GLDC: variants seen among roughly 807,000 people sequenced by gnomAD.
GLDC encodes glycine dehydrogenase (decarboxylating), mitochondrial.
Under a neutral mutation model 121.3 loss-of-function variants are expected in GLDC, and 104 were observed. That is an observed-to-expected ratio of 0.86 (90% CI 0.73 to 1.01). The LOEUF (loss-of-function observed/expected upper bound fraction) is 1.01, where lower values mean the gene tolerates loss of function less well. Ranked by LOEUF, GLDC falls within the 50% of genes least tolerant of loss-of-function variation. The pLI, the probability that GLDC is intolerant of heterozygous loss-of-function variation, is 0.00. For missense variants in GLDC, 1,429 were observed against 1,306.6 expected (o/e 1.09, Z -1.44); for synonymous variants, 546 against 480.6 (o/e 1.14, Z -1.78).
intron 3 of GLDC, among the ~76,000 whole-genome samples, chr9:6,619,437 T>C: frequency 6.6e-6 from 1 of 152,028 alleles, no homozygotes; most frequent in East Asian, 1.9e-4. Flanking sequence ...TTAAAAATCC[T>C]GACAGAAGGG....
At chr9:6,585,864 G>A (rs5001002) in intron 15 of GLDC, among the ~76,000 whole-genome samples, 2 of 114,828 alleles carry the variant, frequency 1.7e-5, no homozygotes, top group East Asian at 2.0e-4. Context: ...ATGTATGTAT[G>A]TATGTATCTA....
At position 6,580,258 on chromosome 9, in the gene GLDC, C is replaced by G. The variant is rs572213921; in HGVS notation, c.1850+6883G>C. Among the ~76,000 whole-genome samples, 8 of 152,266 alleles carry G rather than the reference C, an allele frequency of 5.3e-5. No homozygotes were observed. In the South Asian group the frequency reaches 8.3e-4, roughly 16 times the overall value. On this transcript the variant is annotated intron_variant, in intron 15 of 24. Transcript: ENST00000321612. Reference sequence around the variant, plus strand: ...GCTCTCTGCTTCTATAATTGCAGGACCAGCCCACACTGGGCCTGTTCTGTT... The same window carrying G: ...GCTCTCTGCTTCTATAATTGCAGGAGCAGCCCACACTGGGCCTGTTCTGTT...
chr9:6,569,598 G>C (rs1817915046), intron 15 of GLDC, among the ~76,000 whole-genome samples: 1 of 152,080 alleles, frequency 6.6e-6, no homozygotes, highest in Non-Finnish European at 1.5e-5. Context: ...GTTGCAGCGA[G>C]CTGAGATCGC....
At chr9:6,612,634 G>A (rs112347498) in intron 3 of GLDC, among the ~76,000 whole-genome samples, 2,434 of 152,188 alleles carry the variant, frequency 0.016, 63 homozygotes, top group African/African-American at 0.048. Flanking sequence ...GGAGGCTGAG[G>A]AGGCGGATCA....
intron 2 of GLDC, among the ~76,000 whole-genome samples, chr9:6,621,842 T>C (rs1402790540): frequency 4.6e-5 from 7 of 152,146 alleles, no homozygotes; most frequent in Admixed American, 1.3e-4. Flanking sequence ...TAGATAGAAA[T>C]GACATCATTT....
rs565056006 is a variant in GLDC, at chr9:6,596,709, T to C, written c.1156-1590A>G. 2.6e-5 allele frequency among the ~76,000 whole-genome samples: 4 copies of C among 152,282 alleles called. No homozygotes were observed. In the East Asian group the frequency reaches 5.8e-4, roughly 22 times the overall value. Reference sequence around the variant, plus strand: ...AGTGAGATTATCACTTGACATCCAATAGGATGGCTATAACCAAAGGATAGG... The same window carrying C: ...AGTGAGATTATCACTTGACATCCAACAGGATGGCTATAACCAAAGGATAGG... On this transcript the variant is annotated intron_variant, in intron 8 of 24. Transcript: ENST00000321612.
chr9:6,556,397 T>C (rs2129727072), intron 17 of GLDC, 95 bp from the exon 18 acceptor site: 2 of 1,053,974 alleles, frequency 1.9e-6, no homozygotes, highest in Middle Eastern at 2.0e-4. Flanking sequence ...TGAAGAAAGA[T>C]GAAGTCTCAG....
intron 15 of GLDC, chr9:6,568,964 A>G (rs1163693273): frequency 6.6e-6 from 1 of 152,254 alleles, no homozygotes; most frequent in Non-Finnish European, 1.5e-5. Context: ...AACTTCTTCC[A>G]AAACTCAGAT....
chr9:6,620,430 G>T, intron 2 of GLDC, 111 bp from the exon 3 acceptor site: 2 of 914,826 alleles, frequency 2.2e-6, no homozygotes, highest in Non-Finnish European at 3.6e-6. Flanking sequence ...TAACTATATG[G>T]AAAATGTAAG....
chr9:6,575,255 C>T (rs1033467315), intron 15 of GLDC, among the ~76,000 whole-genome samples: 2 of 151,354 alleles, frequency 1.3e-5, no homozygotes, highest in African/African-American at 2.4e-5. Context: ...CCCATATGGG[C>T]TCCATCCCCA....
Position 6,606,658 on chromosome 9 carries a change from C to A in GLDC, c.647G>T (p.Arg216Met). ...ALQLCYRHNK[R>M]RKFLVDPRCH... ...ACGGGGATCAACGAGAAATTTCCTC[C>A]TCTTGTTGTGTCTGTTGAAAAGAAA... Residue 216 changes from arginine (R) to methionine (M), a missense_variant, in exon 5 of 25, where the codon AGG (arginine) becomes ATG (methionine). Physicochemically the swap from Arg to Met is moderately conservative, Grantham distance 91 (BLOSUM62 -1). Transcript: ENST00000321612. The A allele has an allele frequency of 6.3e-7, 1 of 1,598,948 alleles. No homozygotes were observed. The highest frequency in any genetic ancestry group is 8.6e-7 in the Non-Finnish European group (1 of 1,166,676).
At chr9:6,585,741 T>C (rs1818256699) in intron 15 of GLDC, among the ~76,000 whole-genome samples, 1 of 152,166 alleles carries the variant, frequency 6.6e-6, no homozygotes, top group East Asian at 1.9e-4. Context: ...GTGAAGAACC[T>C]AGGGGCAGAT....
intron 19 of GLDC, among the ~76,000 whole-genome samples, chr9:6,554,358 A>G (rs1817574645): frequency 6.6e-6 from 1 of 152,238 alleles, no homozygotes; most frequent in Non-Finnish European, 1.5e-5. Context: ...TCTAGTGCCA[A>G]TATTCCAGTT....
At position 6,586,053 on chromosome 9, in the gene GLDC, T is replaced by C. The variant is rs1198320174; in HGVS notation, c.1850+1088A>G. On this transcript the variant is annotated intron_variant, in intron 15 of 24. Transcript: ENST00000321612. Reference sequence around the variant, plus strand: ...GCTCACACCTGTAATCCCAACACTTTGGGAGGCCGAGCCAGGCGGATCACC... The same window carrying C: ...GCTCACACCTGTAATCCCAACACTTCGGGAGGCCGAGCCAGGCGGATCACC... 7.9e-5 allele frequency among the ~76,000 whole-genome samples: 12 copies of C among 152,172 alleles called. No individual in the cohort carries two copies. The East Asian group carries it at 2.3e-3, about 29-fold the overall frequency.
At chr9:6,644,850 G>C (rs1819707289) in intron 1 of GLDC, 158 bp from the exon 2 acceptor site, 1 of 672,282 alleles carries the variant, frequency 1.5e-6, no homozygotes, top group Admixed American at 2.4e-5. Flanking sequence ...AGAATGATTT[G>C]GAGGAAAGAA....
At chr9:6,642,312 C>T (rs1819645522) in intron 2 of GLDC, among the ~76,000 whole-genome samples, 1 of 152,040 alleles carries the variant, frequency 6.6e-6, no homozygotes, top group Non-Finnish European at 1.5e-5. Flanking sequence ...GGTGGATCAC[C>T]TGAGGTCAGG....
intron 7 of GLDC, among the ~76,000 whole-genome samples, chr9:6,603,524 T>A (rs1818661674): frequency 6.7e-6 from 1 of 148,412 alleles, no homozygotes; most frequent in African/African-American, 2.5e-5. Context: ...GGAGTGAGAC[T>A]TGGTCTCAAA....
rs761471932 is a variant in GLDC, at chr9:6,595,033, G to A, written c.1242C>T (p.Ala414=). 7.5e-6 allele frequency: 12 copies of A among 1,598,764 alleles called. No individual in the cohort carries two copies. In the East Asian group the frequency reaches 2.5e-4, roughly 33 times the overall value. The change falls in exon 9 of 25, where the codon GCC becomes GCT. Residue 414 remains alanine, a synonymous_variant. Coordinates refer to ENST00000321612, the MANE Select transcript of GLDC (RefSeq NM_000170.3). ...ACTCACCTTCTGACAAAATCAAAGT[G>A]GCATTATGTACCCTCCTAGCAATAT... ...LEHIARRVHN[A]TLILSEGLKR... is the part of the protein sequence containing the mutation.
rs759386821 is a variant in GLDC, at chr9:6,644,633, C to A, written c.315G>T (p.Leu105Phe). 5 of 1,612,320 alleles carry A rather than the reference C, an allele frequency of 3.1e-6. No homozygotes were observed. The highest frequency in any genetic ancestry group is 4.2e-6 in the Non-Finnish European group (5 of 1,178,494). ...VPANIRLKRP[L>F]KMEDPVCENE... ...ACTTACAAACAGGGTCTTCCATTTT[C>A]AAGGGTCTTTTCAAACGGATGTTGG... Residue 105 changes from leucine (L) to phenylalanine (F), a missense_variant, in exon 2 of 25, where the codon TTG becomes TTT. By Grantham distance (22) the Leu-to-Phe change is conservative. Coordinates refer to ENST00000321612, the MANE Select transcript of GLDC (RefSeq NM_000170.3).
Sources: gnomAD v4.1 joint callset for allele counts (sites outside exome capture counted in the v4.1 genomes callset) on GRCh38, gnomAD v4.1.1 for gene constraint, MANE v1.5 for transcripts, NCBI Gene and HGNC (gene_info 2026-07-23, HGNC 2026-07-21) for gene names.